The following C10orf53 variants were observed in gnomAD, a reference collection of about 807,000 sequenced individuals.
C10orf53 encodes chromosome 10 open reading frame 53, also known as UPF0728 protein C10orf53.
C10orf53 carries 8 observed loss-of-function variants against 9.4 expected under a neutral mutation model. The observed-to-expected ratio is 0.85, with a 90% CI of 0.50 to 1.53. C10orf53 has a LOEUF of 1.53. Ranked by LOEUF, C10orf53 falls within the 40% of genes most tolerant of loss-of-function variation. The probability of loss-of-function intolerance (pLI) is 0.00; values close to 1 mark genes in which losing one functional copy is unlikely to be tolerated. For missense variants in C10orf53, 117 were observed against 117.8 expected (o/e 0.99, Z 0.03); for synonymous variants, 48 against 46.0 (o/e 1.04, Z -0.18).
intron 2 of C10orf53, among the ~76,000 whole-genome samples, chr10:49,705,710 T>C (rs780801012): frequency 1.3e-5 from 2 of 152,126 alleles, no homozygotes; most frequent in Non-Finnish European, 2.9e-5. Context: ...TTCATGACCT[T>C]GTATTTGGCA....
exon 3 of C10orf53, chr10:49,708,426 A>G (rs2132894751): frequency 1.2e-6 from 2 of 1,614,176 alleles, no homozygotes; most frequent in South Asian, 1.1e-5. Context: ...TCACCAGCTT[A>G]GCAGCCCGTG....
intron 1 of C10orf53, among the ~76,000 whole-genome samples, chr10:49,687,620 T>G (rs1840541257): frequency 6.6e-6 from 1 of 152,264 alleles, no homozygotes; most frequent in Non-Finnish European, 1.5e-5. Flanking sequence ...AATGTGAGAT[T>G]CTGATGAGCA....
intron 1 of C10orf53, among the ~76,000 whole-genome samples, chr10:49,685,515 T>C (rs1840520144): frequency 6.6e-6 from 1 of 152,010 alleles, no homozygotes; most frequent in Non-Finnish European, 1.5e-5. Context: ...TCTGTACATG[T>C]GTATAATGTA....
At chr10:49,686,595 T>G (rs1590639937) in intron 1 of C10orf53, among the ~76,000 whole-genome samples, 1 of 152,240 alleles carries the variant, frequency 6.6e-6, no homozygotes, top group East Asian at 1.9e-4. Flanking sequence ...AAGGAATGCA[T>G]TCCAGGGGGT....
intron 2 of C10orf53, chr10:49,694,148 T>C: frequency 1.7e-6 from 1 of 597,604 alleles, no homozygotes; most frequent in Non-Finnish European, 2.9e-6. Flanking sequence ...AGCCCTGGAC[T>C]TCGAGGGATG....
chr10:49,706,100 G>A (rs1396492744), intron 2 of C10orf53, among the ~76,000 whole-genome samples: 1 of 122,834 alleles, frequency 8.1e-6, no homozygotes, highest in African/African-American at 3.0e-5. Flanking sequence ...TAGTCAACAG[G>A]TGTTGGTTGA....
At chr10:49,693,703 A>C (rs772304256) in intron 1 of C10orf53, 71 bp from the exon 2 acceptor site, 54 of 1,510,062 alleles carry the variant, frequency 3.6e-5, no homozygotes, top group Non-Finnish European at 4.8e-5. Flanking sequence ...TGTCATCATG[A>C]GGACTGCTAC....
chr10:49,701,006 A>ATG (rs1419326474), downstream of C10orf53, among the ~76,000 whole-genome samples: 1 of 150,918 alleles, frequency 6.6e-6, no homozygotes, highest in East Asian at 1.9e-4. Context: ...CATTTAGGAT[A>ATG]TATATATATG....
At chr10:49,701,527 CT>C (rs1490383909), downstream of C10orf53, among the ~76,000 whole-genome samples, 2 of 152,136 alleles carry the variant, frequency 1.3e-5, no homozygotes, top group African/African-American at 4.8e-5. Context: ...TGACCTAGAC[CT>C]TATTCTACAC....
intron 1 of C10orf53, among the ~76,000 whole-genome samples, chr10:49,684,609 A>G (rs2132875423): frequency 6.6e-6 from 1 of 152,098 alleles, no homozygotes; most frequent in East Asian, 1.9e-4. Context: ...GTTCTTTTAG[A>G]TACTACTATA....
chr10:49,681,082 C>T (rs1208165704), intron 1 of C10orf53, among the ~76,000 whole-genome samples: 2 of 152,166 alleles, frequency 1.3e-5, no homozygotes, highest in African/African-American at 2.4e-5. Flanking sequence ...ATGGGCTTAT[C>T]CAGGTATTAA....
intron 1 of C10orf53, among the ~76,000 whole-genome samples, chr10:49,691,330 G>A (rs763176964): frequency 6.6e-6 from 1 of 152,222 alleles, no homozygotes; most frequent in Non-Finnish European, 1.5e-5. Context: ...TAGACTCTGA[G>A]GTAGCTTGTT....
chr10:49,706,137 C>T (rs1239427363), intron 2 of C10orf53, among the ~76,000 whole-genome samples: 9 of 152,176 alleles, frequency 5.9e-5, no homozygotes, highest in Admixed American at 6.5e-5. Flanking sequence ...TCAGAACCCT[C>T]ATACACTGCT....
exon 3 of C10orf53, chr10:49,708,539 T>C (rs144931942): frequency 9.5e-4 from 1,529 of 1,614,026 alleles, no homozygotes; most frequent in Non-Finnish European, 1.2e-3. Flanking sequence ...TCCAAACCAA[T>C]CTTTGTGACC....
chr10:49,694,091 G>T, intron 2 of C10orf53, 198 bp downstream of exon 2: 1 of 690,164 alleles, frequency 1.4e-6, no homozygotes, highest in Non-Finnish European at 2.4e-6. Flanking sequence ...AGTGTGTGAT[G>T]CTACGAGTTT....
chr10:49,696,914 G>A lies in C10orf53; in HGVS notation c.*2312G>A, dbSNP rs61849380. Among the ~76,000 whole-genome samples the A allele has an allele frequency of 1.3e-5, 2 of 152,158 alleles. No individual in the cohort carries two copies. Among genetic ancestry groups the A allele is most frequent in the African/African-American group, 2.4e-5 (1 of 41,438 alleles). ...CAGATAAAAACTTAAAATCAGGGCC[G>A]GGCACTATGGCTTTTGCCTGTAATC... On this transcript the variant is annotated 3_prime_UTR_variant, in exon 3 of 3. Transcript: ENST00000374111.
downstream of C10orf53, among the ~76,000 whole-genome samples, chr10:49,700,585 T>C (rs1402450574): frequency 2.0e-5 from 3 of 152,172 alleles, no homozygotes; most frequent in Non-Finnish European, 2.9e-5. Context: ...CAGTAAACCA[T>C]GGGCATGTCC....
chr10:49,707,474 C>A (rs1475931822), intron 2 of C10orf53, among the ~76,000 whole-genome samples: 1 of 152,168 alleles, frequency 6.6e-6, no homozygotes, highest in African/African-American at 2.4e-5. Flanking sequence ...ATACAGTGAA[C>A]CAGGTTCAGG....
chr10:49,681,554 A>G (rs1399129349), intron 1 of C10orf53, among the ~76,000 whole-genome samples: 1 of 152,200 alleles, frequency 6.6e-6, no homozygotes. Context: ...GTATTTGTCT[A>G]TTGGGATTGC....
Sources: allele counts gnomAD v4.1 joint callset (sites outside exome capture counted in the v4.1 genomes callset), GRCh38; gene constraint gnomAD v4.1.1; transcripts MANE v1.5; gene names NCBI Gene and HGNC (gene_info 2026-07-23, HGNC 2026-07-21).